ARG2: variants seen among roughly 807,000 people sequenced by gnomAD.
ARG2 encodes the protein arginase 2, also known as arginase-2, mitochondrial.
ARG2 carries 21 observed loss-of-function variants against 39.4 expected under a neutral mutation model. The observed-to-expected ratio is 0.53, with a 90% CI of 0.38 to 0.77. ARG2 has a LOEUF of 0.77. Among genes scored for constraint, ARG2 ranks in the 30% least tolerant of loss-of-function variants. ARG2 has a pLI of 0.00. For missense variants in ARG2, 378 were observed against 426.2 expected (o/e 0.89, Z 1.00); for synonymous variants, 150 against 156.7 (o/e 0.96, Z 0.32).
chr14:67,638,292 G>C (rs983598920), intron 2 of ARG2, among the ~76,000 whole-genome samples: 5 of 152,008 alleles, frequency 3.3e-5, no homozygotes, highest in African/African-American at 9.7e-5. Context: ...AGAAGGCCAT[G>C]ATGGGAGCAT....
intron 6 of ARG2, 56 bp downstream of exon 6, chr14:67,647,081 C>T (rs1305691271): frequency 9.0e-7 from 1 of 1,111,428 alleles, no homozygotes; most frequent in Non-Finnish European, 1.4e-6. Flanking sequence ...ACACTTTTAG[C>T]CTGTTTCTTG....
At chr14:67,622,840 A>G (rs1040070168) in intron 2 of ARG2, among the ~76,000 whole-genome samples, 4 of 152,166 alleles carry the variant, frequency 2.6e-5, no homozygotes, top group African/African-American at 9.7e-5. Context: ...CCTCTTCTGG[A>G]GGAGACCTCT....
rs935352392 is a variant in ARG2, at chr14:67,627,672, T to C, written c.184+6706T>C. ...ACACTTAGCAAGGCATAGTGGCTCA[T>C]GCCTGTCAGCCCAGCACTTAGGGAG... On this transcript the variant is annotated intron_variant, in intron 2 of 7. Coordinates refer to ENST00000261783, the MANE Select transcript of ARG2 (RefSeq NM_001172.4). 2.0e-5 allele frequency among the ~76,000 whole-genome samples: 3 copies of C among 152,196 alleles called. No individual in the cohort carries two copies. The East Asian group carries it at 5.8e-4, about 29-fold the overall frequency.
chr14:67,626,072 G>C (rs1400930205), intron 2 of ARG2, among the ~76,000 whole-genome samples: 1 of 152,164 alleles, frequency 6.6e-6, no homozygotes, highest in South Asian at 2.1e-4. Flanking sequence ...GATCAACATG[G>C]TGAAACTCCG....
chr14:67,620,928 TA>T lies in ARG2; in HGVS notation c.148del (p.Arg50GlufsTer5). On this transcript the variant is annotated frameshift_variant, in exon 2 of 8. Transcript: ENST00000261783. LOFTEE classifies it high-confidence loss of function. ...RKGVEHGPAA[I>X]REAGLMKRLS... ...GGAGTGGAGCATGGTCCCGCTGCCA[TA>T]AGAGAAGCTGGCTTGATGAAAAGGC... 4 of 1,614,150 alleles carry T rather than the reference TA, an allele frequency of 2.5e-6. No individual in the cohort carries two copies. Among genetic ancestry groups the T allele is most frequent in the Non-Finnish European group, 3.4e-6 (4 of 1,179,996 alleles).
intron 2 of ARG2, among the ~76,000 whole-genome samples, chr14:67,627,242 G>T (rs2036875241): frequency 8.1e-6 from 1 of 123,832 alleles, no homozygotes; most frequent in African/African-American, 3.2e-5. Context: ...CTAGGCAATT[G>T]TGATCAGTAA....
intron 3 of ARG2, among the ~76,000 whole-genome samples, chr14:67,643,995 G>A (rs2037065765): frequency 6.6e-6 from 1 of 152,074 alleles, no homozygotes; most frequent in East Asian, 1.9e-4. Flanking sequence ...TGTAGTCTCT[G>A]GAAATTTATT....
intron 7 of ARG2, chr14:67,649,242 C>G (rs1383699434): frequency 6.6e-6 from 1 of 152,134 alleles, no homozygotes; most frequent in Non-Finnish European, 1.5e-5. Context: ...ACTCATGGGG[C>G]TAGGCACAGT....
rs372290399 is a variant in ARG2 at position 67,620,056 on chromosome 14, G to A, written c.79G>A (p.Ala27Thr). Residue 27 changes from alanine (A) to threonine (T), a missense_variant, in exon 1 of 8, where the codon GCT becomes ACT. Transcript: ENST00000261783. ...CCTGAAGAAATCCGTCCACTCCGTG[G>A]CTGTGATAGGAGCCCCGTTCTCACA... ...SILKKSVHSV[A>T]VIGAPFSQGQ... 1.2e-6 allele frequency: 2 copies of A among 1,611,114 alleles called. No individual in the cohort carries two copies. The highest frequency in any genetic ancestry group is 1.3e-5 in the African/African-American group (1 of 74,674).
chr14:67,640,431 G>A (rs1364499306), intron 2 of ARG2, among the ~76,000 whole-genome samples: 20 of 152,182 alleles, frequency 1.3e-4, no homozygotes, highest in Admixed American at 1.3e-3. Flanking sequence ...TCTTGCGGTG[G>A]CAATTCCTTG....
In ARG2 at chr14:67,620,913, A is replaced by T. The variant is rs1197763583; in HGVS notation, c.131A>T (p.His44Leu). ...SQGQKRKGVE[H>L]GPAAIREAGL... ...TGACAGAAAAGAAAAGGAGTGGAGC[A>T]TGGTCCCGCTGCCATAAGAGAAGCT... The change falls in exon 2 of 8, where the codon CAT (histidine) becomes CTT (leucine). Residue 44 changes from histidine to leucine, a missense_variant. Coordinates refer to ENST00000261783, the MANE Select transcript of ARG2 (RefSeq NM_001172.4). 1.2e-6 allele frequency: 2 copies of T among 1,614,156 alleles called. No individual in the cohort carries two copies. Among genetic ancestry groups the T allele is most frequent in the African/African-American group, 1.3e-5 (1 of 75,066 alleles).
chr14:67,640,540 C>T (rs1036976869), intron 2 of ARG2, among the ~76,000 whole-genome samples: 17 of 152,114 alleles, frequency 1.1e-4, no homozygotes, highest in African/African-American at 4.1e-4. Flanking sequence ...AGAGGTAGAG[C>T]TCAAAATTAT....
At chr14:67,637,708 T>G (rs2036987654) in intron 2 of ARG2, among the ~76,000 whole-genome samples, 1 of 152,214 alleles carries the variant, frequency 6.6e-6, no homozygotes, top group African/African-American at 2.4e-5. Flanking sequence ...ATTTGTTGAT[T>G]CAGTTATGTA....
intron 2 of ARG2, among the ~76,000 whole-genome samples, chr14:67,632,881 C>T (rs1040945085): frequency 2.6e-5 from 3 of 117,526 alleles, no homozygotes; most frequent in Non-Finnish European, 4.8e-5. Flanking sequence ...AGTGCAGTGG[C>T]GTGATCTCGG....
intron 2 of ARG2, among the ~76,000 whole-genome samples, chr14:67,640,835 A>G (rs2037022108): frequency 6.6e-6 from 1 of 152,226 alleles, no homozygotes; most frequent in South Asian, 2.1e-4. Context: ...TGTTGGACTC[A>G]TGAGGAATTC....
At chr14:67,645,897 A>T in intron 4 of ARG2, 95 bp downstream of exon 4, 1 of 1,390,938 alleles carries the variant, frequency 7.2e-7, no homozygotes, top group African/African-American at 1.4e-5. Context: ...GGGTGGGTTG[A>T]GTGTGGATTA....
At chr14:67,643,852 TAAAAAAAAA>T (rs553614739) in intron 3 of ARG2, among the ~76,000 whole-genome samples, 18 of 81,216 alleles carry the variant, frequency 2.2e-4, no homozygotes, top group African/African-American at 5.9e-4. Flanking sequence ...TCCTTGGGAG[TAAAAAAAAA>T]AAAAAAAAAA....
At chr14:67,644,263 A>C (rs900333246) in intron 3 of ARG2, among the ~76,000 whole-genome samples, 1 of 152,206 alleles carries the variant, frequency 6.6e-6, no homozygotes, top group Non-Finnish European at 1.5e-5. Context: ...AGTTTAACAT[A>C]TATTACTACT....
chr14:67,645,866 T>C (rs2140778625), intron 4 of ARG2, 64 bp downstream of exon 4: 2 of 1,571,528 alleles, frequency 1.3e-6, no homozygotes, highest in South Asian at 2.4e-5. Context: ...GTTGGTCTAG[T>C]TCAGTTAAGA....
Sources: allele counts gnomAD v4.1 joint callset (sites outside exome capture counted in the v4.1 genomes callset), GRCh38; gene constraint gnomAD v4.1.1; transcripts MANE v1.5; gene names NCBI Gene and HGNC (gene_info 2026-07-23, HGNC 2026-07-21).